The following GPC5 variants were observed in gnomAD, a reference collection of about 807,000 sequenced individuals.
GPC5 encodes the protein glypican 5.
GPC5 carries 47 observed loss-of-function variants against 53.9 expected under a neutral mutation model. The ratio of observed to expected loss-of-function variants is 0.87; its 90% CI spans 0.69 to 1.11. GPC5 has a LOEUF of 1.11. Among genes scored for constraint, GPC5 ranks in the 50% most tolerant of loss-of-function variants. GPC5 has a pLI of 0.00. For synonymous variants in GPC5, 286 were observed against 263.3 expected (o/e 1.09, Z -0.84); for missense variants, 748 against 713.1 (o/e 1.05, Z -0.56).
chr13:92,505,805 C>T (rs1171800826), intron 7 of GPC5, among the ~76,000 whole-genome samples: 1 of 152,056 alleles, frequency 6.6e-6, no homozygotes, highest in Non-Finnish European at 1.5e-5. Context: ...TTGGTACTCA[C>T]AACATCTTAC....
chr13:92,357,928 C>A (rs1473812513), intron 7 of GPC5, among the ~76,000 whole-genome samples: 1 of 151,556 alleles, frequency 6.6e-6, no homozygotes, highest in African/African-American at 2.4e-5. Context: ...CCTACCAAAT[C>A]TCATGTTCTT....
chr13:92,015,739 C>T (rs1236367694), intron 6 of GPC5, among the ~76,000 whole-genome samples: 1 of 152,156 alleles, frequency 6.6e-6, no homozygotes, highest in East Asian at 1.9e-4. Flanking sequence ...CAATCTCCAT[C>T]TATCCCACAC....
At chr13:92,834,374 A>C (rs1852709530) in intron 7 of GPC5, among the ~76,000 whole-genome samples, 1 of 152,148 alleles carries the variant, frequency 6.6e-6, no homozygotes, top group Non-Finnish European at 1.5e-5. Flanking sequence ...GTTTTATCCC[A>C]ATGGGTATTG....
chr13:92,760,247 A>G (rs1358142071), intron 7 of GPC5, among the ~76,000 whole-genome samples: 1 of 152,116 alleles, frequency 6.6e-6, no homozygotes, highest in Non-Finnish European at 1.5e-5. Flanking sequence ...GAGGAGTTAA[A>G]GAAATATTGG....
At chr13:92,564,559 C>A (rs1399905129) in intron 7 of GPC5, among the ~76,000 whole-genome samples, 1 of 151,722 alleles carries the variant, frequency 6.6e-6, no homozygotes, top group Non-Finnish European at 1.5e-5. Flanking sequence ...GATACATATA[C>A]AGGTTTTTTA....
At chr13:92,625,161 A>G (rs568814411) in intron 7 of GPC5, among the ~76,000 whole-genome samples, 1 of 152,342 alleles carries the variant, frequency 6.6e-6, no homozygotes, top group South Asian at 2.1e-4. Flanking sequence ...TTGGGTATAT[A>G]ATCTGTGGTA....
At chr13:92,795,034 C>T (rs1876616441) in intron 7 of GPC5, among the ~76,000 whole-genome samples, 1 of 152,202 alleles carries the variant, frequency 6.6e-6, no homozygotes, top group East Asian at 1.9e-4. Context: ...GAAAAAACTA[C>T]TTTAAAGTTC....
At chr13:91,529,748 G>A (rs1173979848) in intron 2 of GPC5, among the ~76,000 whole-genome samples, 1 of 152,166 alleles carries the variant, frequency 6.6e-6, no homozygotes, top group East Asian at 1.9e-4. Flanking sequence ...TAAAATAGTA[G>A]TCAACATTCC....
At chr13:91,965,746 T>C (rs1044019768) in intron 6 of GPC5, among the ~76,000 whole-genome samples, 3 of 152,196 alleles carry the variant, frequency 2.0e-5, no homozygotes, top group Admixed American at 1.3e-4. Context: ...TTCATCGTTA[T>C]GGAGTTCCAT....
At chr13:91,671,847 G>A (rs138378395) in intron 2 of GPC5, among the ~76,000 whole-genome samples, 2,908 of 140,236 alleles carry the variant, frequency 0.021, 99 homozygotes, top group African/African-American at 0.07. Flanking sequence ...AAACTATAGT[G>A]CAAGGTTACA....
chr13:92,326,513 G>A (rs937153270), intron 7 of GPC5, among the ~76,000 whole-genome samples: 1 of 151,868 alleles, frequency 6.6e-6, no homozygotes. Flanking sequence ...TTTGTATTAT[G>A]TTTACAATAG....
chr13:91,865,556 G>T (rs538270047), intron 5 of GPC5, among the ~76,000 whole-genome samples: 8 of 152,094 alleles, frequency 5.3e-5, no homozygotes, highest in Middle Eastern at 3.4e-3. Context: ...ATCACTTCTT[G>T]TTTTCTTACA....
At chr13:91,672,530 A>G (rs1284909016) in intron 2 of GPC5, among the ~76,000 whole-genome samples, 2 of 152,208 alleles carry the variant, frequency 1.3e-5, no homozygotes, top group African/African-American at 4.8e-5. Context: ...CAAAACCACA[A>G]TGACATACTA....
At chr13:91,929,440 A>G (rs1387449121) in intron 6 of GPC5, among the ~76,000 whole-genome samples, 1 of 152,078 alleles carries the variant, frequency 6.6e-6, no homozygotes, top group East Asian at 1.9e-4. Flanking sequence ...TTGATCCACT[A>G]ATTCGTTGTT....
chr13:92,819,478 T>C (rs1002637214), intron 7 of GPC5, among the ~76,000 whole-genome samples: 3 of 152,234 alleles, frequency 2.0e-5, no homozygotes, highest in African/African-American at 7.2e-5. Flanking sequence ...TTCACCAAAC[T>C]GTAATTCCCT....
At chr13:92,390,445 A>C (rs1245622180) in intron 7 of GPC5, among the ~76,000 whole-genome samples, 3 of 152,140 alleles carry the variant, frequency 2.0e-5, no homozygotes, top group African/African-American at 7.2e-5. Flanking sequence ...ATGAACCAGC[A>C]TTAGGGTGAT....
At chr13:92,230,557 TTCCTTA>T (rs1268380433) in intron 7 of GPC5, among the ~76,000 whole-genome samples, 1 of 152,194 alleles carries the variant, frequency 6.6e-6, no homozygotes, top group Non-Finnish European at 1.5e-5. Context: ...TGATAATCTT[TTCCTTA>T]TTTTCTCTCA....
At chr13:91,549,352 T>C (rs1209257472) in intron 2 of GPC5, among the ~76,000 whole-genome samples, 1 of 151,834 alleles carries the variant, frequency 6.6e-6, no homozygotes, top group East Asian at 1.9e-4. Context: ...TTATGACTTT[T>C]TAGATGGTAC....
At chr13:91,667,926 G>T (rs1280708794) in intron 2 of GPC5, among the ~76,000 whole-genome samples, 3 of 152,092 alleles carry the variant, frequency 2.0e-5, no homozygotes, top group Non-Finnish European at 4.4e-5. Context: ...AAAGACTGTG[G>T]AACTCAGTAC....
Sources: gnomAD v4.1 joint callset for allele counts (sites outside exome capture counted in the v4.1 genomes callset) on GRCh38, gnomAD v4.1.1 for gene constraint, MANE v1.5 for transcripts, NCBI Gene and HGNC (gene_info 2026-07-23, HGNC 2026-07-21) for gene names.